The following FBLN7 variants were observed in gnomAD, a reference collection of about 807,000 sequenced individuals.
FBLN7 encodes the protein fibulin 7, also known as fibulin-7.
Under a neutral mutation model 44.0 loss-of-function variants are expected in FBLN7, and 31 were observed. The ratio of observed to expected loss-of-function variants is 0.70; its 90% CI spans 0.53 to 0.95. The LOEUF (loss-of-function observed/expected upper bound fraction) is 0.95. FBLN7 is among the 40% of genes least tolerant of loss of function. The pLI, the probability that FBLN7 is intolerant of heterozygous loss-of-function variation, is 0.00. For missense variants in FBLN7, 573 were observed against 618.5 expected (o/e 0.93, Z 0.78); for synonymous variants, 262 against 253.4 (o/e 1.03, Z -0.32).
intron 2 of FBLN7, among the ~76,000 whole-genome samples, chr2:112,160,271 T>G (rs1378645656): frequency 6.6e-6 from 1 of 152,148 alleles, no homozygotes; most frequent in Non-Finnish European, 1.5e-5. Flanking sequence ...ATGACAGGCG[T>G]GGGCCACCGC....
chr2:112,155,539 G>A (rs1681368155), intron 1 of FBLN7, among the ~76,000 whole-genome samples: 1 of 152,236 alleles, frequency 6.6e-6, no homozygotes, highest in Non-Finnish European at 1.5e-5. Flanking sequence ...ATGGGCCACA[G>A]CCTCCTCACC....
chr2:112,225,865 T>C, the FBLN7 span, among the ~76,000 whole-genome samples: 1 of 151,568 alleles, frequency 6.6e-6, no homozygotes, highest in African/African-American at 2.4e-5. Context: ...GTGGATCACC[T>C]GAGGTCAGGA....
At chr2:112,155,663 C>A (rs1681373423) in intron 1 of FBLN7, among the ~76,000 whole-genome samples, 1 of 152,216 alleles carries the variant, frequency 6.6e-6, no homozygotes, top group Non-Finnish European at 1.5e-5. Context: ...TGGTAACTGG[C>A]AAGCTGGGCA....
chr2:112,145,109 G>A lies in FBLN7; in HGVS notation c.75+6379G>A, dbSNP rs181910436. On this transcript the variant is annotated intron_variant, in intron 1 of 7. Transcript: ENST00000331203. ...ATCCTTACCAGAACTTAGAGTTCTCGGGTTGATTTGTTTTTCTCCAAGTCA... is the reference window on the plus strand; with the variant it reads ...ATCCTTACCAGAACTTAGAGTTCTCAGGTTGATTTGTTTTTCTCCAAGTCA... Among the ~76,000 whole-genome samples, 19 of 152,242 alleles carry A rather than the reference G, an allele frequency of 1.2e-4. No individual in the cohort carries two copies. In the South Asian group the frequency reaches 1.9e-3, roughly 15 times the overall value.
intron 2 of FBLN7, among the ~76,000 whole-genome samples, chr2:112,160,867 C>G (rs576588775): frequency 2.4e-4 from 37 of 151,776 alleles, no homozygotes; most frequent in Non-Finnish European, 1.8e-4. Flanking sequence ...CACACACACA[C>G]TCAGCCCGAG....
At chr2:112,160,850 A>ACACGCACG (rs1558880767) in intron 2 of FBLN7, among the ~76,000 whole-genome samples, 13 of 42,170 alleles carry the variant, frequency 3.1e-4, no homozygotes, top group Non-Finnish European at 7.4e-4. Context: ...GCACACGCGC[A>ACACGCACG]CACACACACA....
At chr2:112,243,949 A>G in the FBLN7 span, among the ~76,000 whole-genome samples, 12 of 152,194 alleles carry the variant, frequency 7.9e-5, no homozygotes, top group African/African-American at 2.6e-4. Flanking sequence ...AACAAGAATA[A>G]GATCTTAGTT....
At chr2:112,146,095 C>T (rs553319854) in intron 1 of FBLN7, among the ~76,000 whole-genome samples, 1 of 152,300 alleles carries the variant, frequency 6.6e-6, no homozygotes, top group East Asian at 1.9e-4. Flanking sequence ...GCAAGGTGGG[C>T]AGACCACCTG....
the FBLN7 span, among the ~76,000 whole-genome samples, chr2:112,226,587 C>T: frequency 2.1e-3 from 24 of 11,546 alleles, no homozygotes; most frequent in African/African-American, 0.037. Flanking sequence ...AAGACTCCAT[C>T]TCAAAAAAAA....
intron 1 of FBLN7, 74 bp downstream of exon 1, chr2:112,138,804 C>T: frequency 7.7e-7 from 1 of 1,302,890 alleles, no homozygotes; most frequent in South Asian, 1.5e-5. Context: ...CCTCCCGCCT[C>T]TCTCCAGGCC....
intron 4 of FBLN7, among the ~76,000 whole-genome samples, chr2:112,180,752 C>T (rs1208684649): frequency 6.6e-6 from 1 of 151,764 alleles, no homozygotes; most frequent in African/African-American, 2.4e-5. Flanking sequence ...AACCCCGTCT[C>T]TACTAAAAAA....
intron 3 of FBLN7, among the ~76,000 whole-genome samples, chr2:112,172,559 A>T (rs1682516225): frequency 1.3e-5 from 2 of 149,710 alleles, no homozygotes; most frequent in African/African-American, 4.9e-5. Flanking sequence ...TTTGATTAGG[A>T]TCTGTCTCAG....
chr2:112,181,949 A>C lies in FBLN7; in HGVS notation c.670+73A>C, dbSNP rs558777055. 303 of 1,470,074 alleles carry C rather than the reference A, an allele frequency of 2.1e-4. 2 individuals carry two copies. The South Asian group carries it at 3.7e-3, about 18-fold the overall frequency. The allele number at this position is 1,470,074 out of a possible 1,614,324, so 91.1% of individuals were successfully genotyped here. A position where few individuals can be genotyped will look rare whatever the true frequency, so the allele number is the denominator to read the frequency against. On this transcript the variant is annotated intron_variant, in intron 5 of 7. Transcript: ENST00000331203. ...TGGGGCGGGGAAGGGGCTCTCACCCACCGCCCTCCTGCCGGCACGGGTGGC... is the reference window on the plus strand; with the variant it reads ...TGGGGCGGGGAAGGGGCTCTCACCCCCCGCCCTCCTGCCGGCACGGGTGGC...
chr2:112,155,578 C>T (rs1681370045), intron 1 of FBLN7, among the ~76,000 whole-genome samples: 1 of 152,256 alleles, frequency 6.6e-6, no homozygotes, highest in Non-Finnish European at 1.5e-5. Flanking sequence ...CTGGAGCCTT[C>T]CTGTCTCCCT....
the FBLN7 span, among the ~76,000 whole-genome samples, chr2:112,226,374 G>A: frequency 6.6e-6 from 1 of 151,902 alleles, no homozygotes; most frequent in Non-Finnish European, 1.5e-5. Context: ...AGATCATGAG[G>A]TCAGGAGATC....
Position 112,171,357 on chromosome 2 carries a change from GC to G in FBLN7, c.407-4355del, listed in dbSNP as rs530888983. Among the ~76,000 whole-genome samples the G allele has an allele frequency of 5.9e-5, 9 of 152,122 alleles. No homozygotes were observed. The South Asian group carries it at 1.9e-3, about 32-fold the overall frequency. Reference sequence around the variant, plus strand: ...AGGAGGGCGAAAGGAGACAGGAGGGGCCGGGAGAGGCAGACTTCGGGGAGGC... The same window carrying G: ...AGGAGGGCGAAAGGAGACAGGAGGGGCGGGAGAGGCAGACTTCGGGGAGGC... On this transcript the variant is annotated intron_variant, in intron 3 of 7. Coordinates refer to ENST00000331203, the MANE Select transcript of FBLN7 (RefSeq NM_153214.3).
chr2:112,205,658 C>G, the FBLN7 span, among the ~76,000 whole-genome samples: 1 of 152,110 alleles, frequency 6.6e-6, no homozygotes, highest in Admixed American at 6.6e-5. Context: ...TCTGGAATCT[C>G]TAATCCATTA....
chr2:112,231,912 T>C, the FBLN7 span: 1 of 1,587,224 alleles, frequency 6.3e-7, no homozygotes, highest in Admixed American at 1.7e-5. Flanking sequence ...TGATAACATT[T>C]TGTTCCTGTA....
intron 3 of FBLN7, among the ~76,000 whole-genome samples, chr2:112,170,796 T>C (rs1019052451): frequency 2.6e-5 from 4 of 152,192 alleles, no homozygotes; most frequent in African/African-American, 9.7e-5. Flanking sequence ...GAGAATGCAT[T>C]GGAGATGACA....
Sources: gnomAD v4.1 joint callset for allele counts (sites outside exome capture counted in the v4.1 genomes callset) on GRCh38, gnomAD v4.1.1 for gene constraint, MANE v1.5 for transcripts, NCBI Gene and HGNC (gene_info 2026-07-23, HGNC 2026-07-21) for gene names.